The following EIF3D variants were observed in gnomAD, a reference collection of about 807,000 sequenced individuals.
The protein encoded by EIF3D is eukaryotic translation initiation factor 3 subunit D, also known as eIF3 p66.
In EIF3D, 10 loss-of-function variants were observed where a neutral mutation model predicts 75.4. The observed-to-expected ratio is 0.13, with a 90% confidence interval of 0.08 to 0.22. The LOEUF (loss-of-function observed/expected upper bound fraction) is 0.22, where lower values mean the gene tolerates loss of function less well. Ranked by LOEUF, EIF3D falls within the 10% of genes least tolerant of loss-of-function variation. The pLI is 1.00. For missense variants in EIF3D, 394 were observed against 708.0 expected (o/e 0.56, Z 5.03); for synonymous variants, 246 against 248.3 (o/e 0.99, Z 0.09).
At chr22:36,522,183 C>A (rs12168576) in intron 6 of EIF3D, among the ~76,000 whole-genome samples, 24,601 of 151,858 alleles carry the variant, frequency 0.16, 4,904 homozygotes, top group African/African-American at 0.48. Context: ...GCAGAACCCC[C>A]TATCTACAGA....
chr22:36,520,459 T>A, intron 7 of EIF3D, 117 bp downstream of exon 7: 1 of 673,364 alleles, frequency 1.5e-6, no homozygotes. Context: ...ATGAAATGTG[T>A]TTTGAGTAAG....
intron 2 of EIF3D, 72 bp downstream of exon 2, chr22:36,525,927 A>G (rs963943676): frequency 1.3e-6 from 2 of 1,540,952 alleles, no homozygotes; most frequent in African/African-American, 2.8e-5. Context: ...TTGAGACAAT[A>G]AAATCTAAAC....
intron 6 of EIF3D, among the ~76,000 whole-genome samples, chr22:36,521,692 T>G (rs1934515987): frequency 6.7e-6 from 1 of 149,318 alleles, no homozygotes; most frequent in Admixed American, 6.7e-5. Context: ...TTTGGGAGGC[T>G]GAGGTGGGTG....
At position 36,527,171 on chromosome 22, in the gene EIF3D, T is replaced by A. The variant is rs74399471; in HGVS notation, c.-10-1040A>T. ...ACAGACCTCAGGCCCAAAGTTGCCA[T>A]GTTAAATGTTCATGAATACTGCCAG... On this transcript the variant is annotated intron_variant, in intron 1 of 14. Coordinates refer to ENST00000216190, the MANE Select transcript of EIF3D (RefSeq NM_003753.4). Among the ~76,000 whole-genome samples, 2,325 of 152,316 alleles carry A rather than the reference T, an allele frequency of 0.015. 80 individuals are homozygous for A. In the East Asian group the frequency reaches 0.17, roughly 11 times the overall value.
intron 10 of EIF3D, 109 bp downstream of exon 10, chr22:36,517,192 G>T: frequency 1.4e-6 from 2 of 1,480,428 alleles, no homozygotes; most frequent in Non-Finnish European, 1.8e-6. Context: ...TGGGGACTGC[G>T]TCTGACCTGC....
intron 2 of EIF3D, 100 bp from the exon 3 acceptor site, chr22:36,525,809 T>G: frequency 6.6e-7 from 1 of 1,513,742 alleles, no homozygotes; most frequent in Non-Finnish European, 9.0e-7. Flanking sequence ...TGGAAGAGTC[T>G]CAGAATTTGT....
chr22:36,515,842 T>C (rs1934416488), intron 12 of EIF3D, among the ~76,000 whole-genome samples: 1 of 121,234 alleles, frequency 8.2e-6, no homozygotes, highest in Non-Finnish European at 1.6e-5. Context: ...AAAAGGCCGC[T>C]GGCCCCAGAG....
In EIF3D at chr22:36,511,579, G is replaced by A. The variant is rs1018194595; in HGVS notation, c.1557C>T (p.Val519=). Residue 519 remains valine, a synonymous_variant, in exon 14 of 15, where the codon GTC becomes GTT. Coordinates refer to ENST00000216190, the MANE Select transcript of EIF3D (RefSeq NM_003753.4). ...TGAAGGTGCCATCAGGGAGGCTGTA[G>A]ACACGGATGACCTGCTTGTTGGGGT... ...LKDPNKQVIR[V]YSLPDGTFSS... The A allele has an allele frequency of 1.5e-5, 25 of 1,613,966 alleles. No homozygotes were observed. The highest frequency in any genetic ancestry group is 2.0e-5 in the Non-Finnish European group (24 of 1,180,014).
chr22:36,515,500 C>T (rs1210085977), intron 12 of EIF3D, among the ~76,000 whole-genome samples: 1 of 152,130 alleles, frequency 6.6e-6, no homozygotes, highest in Non-Finnish European at 1.5e-5. Flanking sequence ...TGCACTCCAG[C>T]CTGGGCAACA....
intron 6 of EIF3D, among the ~76,000 whole-genome samples, chr22:36,522,447 G>C (rs1294317726): frequency 6.6e-6 from 1 of 152,172 alleles, no homozygotes; most frequent in Admixed American, 6.5e-5. Flanking sequence ...ACCACAGGCC[G>C]AATGTGGGAC....
At position 36,512,686 on chromosome 22, in the gene EIF3D, C is replaced by T. The variant is rs1035173065; in HGVS notation, c.1207-84G>A. 12 of 1,488,820 alleles carry T rather than the reference C, an allele frequency of 8.1e-6. No individual in the cohort carries two copies. The East Asian group carries it at 1.9e-4, about 23-fold the overall frequency. The allele number at this position is 1,488,820 out of a possible 1,614,324, so 92.2% of individuals were successfully genotyped here. A position where few individuals can be genotyped will look rare whatever the true frequency, so the allele number is the denominator to read the frequency against. Reference sequence around the variant, plus strand: ...ACCTCCTCTGGCAGAGAAGGAACTCCCTAGTCTGCTTGCTTAGAAAGTGGG... The same window carrying T: ...ACCTCCTCTGGCAGAGAAGGAACTCTCTAGTCTGCTTGCTTAGAAAGTGGG... On this transcript the variant is annotated intron_variant, in intron 12 of 14. Transcript: ENST00000216190.
intron 7 of EIF3D, among the ~76,000 whole-genome samples, 158 bp from the exon 8 acceptor site, chr22:36,519,695 T>C (rs970664081): frequency 5.3e-5 from 8 of 152,162 alleles, no homozygotes; most frequent in African/African-American, 4.8e-5. Context: ...GCTTGCTCAG[T>C]TCCTGTCCAC....
At chr22:36,514,022 G>A (rs1250219010) in intron 12 of EIF3D, among the ~76,000 whole-genome samples, 2 of 152,294 alleles carry the variant, frequency 1.3e-5, no homozygotes, top group East Asian at 1.9e-4. Context: ...CTGAACTAGG[G>A]CAATTATCAG....
intron 2 of EIF3D, 27 bp from the exon 3 acceptor site, chr22:36,525,736 A>C: frequency 6.2e-7 from 1 of 1,608,028 alleles, no homozygotes; most frequent in Non-Finnish European, 8.5e-7. Context: ...AAGACAGAGA[A>C]TGCACAGGTC....
intron 14 of EIF3D, chr22:36,511,259 C>A: frequency 2.4e-6 from 2 of 848,858 alleles, no homozygotes; most frequent in South Asian, 3.8e-5. Context: ...GGACTTCCCT[C>A]ATCTTCCTCT....
rs547447196 is a variant in EIF3D, at chr22:36,522,489, G to A, written c.465+720C>T. On this transcript the variant is annotated intron_variant, in intron 6 of 14. Transcript: ENST00000216190. ...ATGTGTAGACTTTCATATACTGAAGGAAAACTGTACCGACACATGCTACCA... is the reference window on the plus strand; with the variant it reads ...ATGTGTAGACTTTCATATACTGAAGAAAAACTGTACCGACACATGCTACCA... Among the ~76,000 whole-genome samples the A allele has an allele frequency of 4.9e-3, 739 of 152,334 alleles. 2 individuals are homozygous for A. Among genetic ancestry groups the A allele is most frequent in the Non-Finnish European group, 7.6e-3 (520 of 68,034 alleles).
chr22:36,511,120 G>T, intron 14 of EIF3D, 120 bp from the exon 15 acceptor site: 3 of 1,263,364 alleles, frequency 2.4e-6, no homozygotes, highest in Non-Finnish European at 2.2e-6. Context: ...CCGAAGTTAA[G>T]CCTTTCAGAT....
At chr22:36,520,129 C>T (rs1934489341) in intron 7 of EIF3D, among the ~76,000 whole-genome samples, 1 of 151,652 alleles carries the variant, frequency 6.6e-6, no homozygotes, top group Non-Finnish European at 1.5e-5. Context: ...AGTTTGCAGT[C>T]AGTGAACTTC....
intron 1 of EIF3D, chr22:36,526,979 C>T (rs1475693671): frequency 2.6e-5 from 4 of 151,506 alleles, no homozygotes; most frequent in Non-Finnish European, 5.9e-5. Context: ...TGCAAAAGTG[C>T]ATTTATGTAT....
Sources: allele counts gnomAD v4.1 joint callset (sites outside exome capture counted in the v4.1 genomes callset), GRCh38; gene constraint gnomAD v4.1.1; transcripts MANE v1.5; gene names NCBI Gene and HGNC (gene_info 2026-07-23, HGNC 2026-07-21).